SCHIP1: variants seen among roughly 807,000 people sequenced by gnomAD.
The protein encoded by SCHIP1 is schwannomin interacting protein 1, also known as schwannomin-interacting protein 1.
In SCHIP1, 8 loss-of-function variants were observed where a neutral mutation model predicts 29.7. That is an observed-to-expected ratio of 0.27 (90% confidence interval 0.16 to 0.49). The LOEUF (loss-of-function observed/expected upper bound fraction) is 0.49, where lower values mean the gene tolerates loss of function less well. Among genes scored for constraint, SCHIP1 ranks in the 20% least tolerant of loss-of-function variants. The pLI, the probability that SCHIP1 is intolerant of heterozygous loss-of-function variation, is 0.99. For missense variants in SCHIP1, 193 were observed against 294.6 expected (o/e 0.66, Z 2.52); for synonymous variants, 76 against 94.9 (o/e 0.80, Z 1.16).
At chr3:159,289,260 C>T in the SCHIP1 span, among the ~76,000 whole-genome samples, 1 of 152,160 alleles carries the variant, frequency 6.6e-6, no homozygotes, top group Non-Finnish European at 1.5e-5. Flanking sequence ...ATATTACCTA[C>T]TTATTTCAGT....
the SCHIP1 span, among the ~76,000 whole-genome samples, chr3:159,629,142 A>AACAC: frequency 2.7e-4 from 41 of 150,498 alleles, no homozygotes; most frequent in African/African-American, 7.1e-4. Context: ...GTTAAACAAA[A>AACAC]ACACACACAC....
chr3:159,476,757 T>C, the SCHIP1 span, among the ~76,000 whole-genome samples: 1 of 152,168 alleles, frequency 6.6e-6, no homozygotes, highest in Non-Finnish European at 1.5e-5. Flanking sequence ...CAATGTGGAA[T>C]AAAATCAACC....
At chr3:159,797,229 A>G in the SCHIP1 span, among the ~76,000 whole-genome samples, 1 of 152,222 alleles carries the variant, frequency 6.6e-6, no homozygotes, top group African/African-American at 2.4e-5. Flanking sequence ...AGTATCTAGC[A>G]CATCACTGTA....
At chr3:159,882,886 C>T (rs1251463038) in intron 2 of SCHIP1, among the ~76,000 whole-genome samples, 2 of 152,186 alleles carry the variant, frequency 1.3e-5, no homozygotes, top group East Asian at 3.9e-4. Flanking sequence ...TGCCCTCCTG[C>T]TCCTGGCCAG....
the SCHIP1 span, among the ~76,000 whole-genome samples, chr3:159,677,404 C>T: frequency 6.6e-6 from 1 of 152,114 alleles, no homozygotes; most frequent in Admixed American, 6.5e-5. Flanking sequence ...GACAACGCCC[C>T]ATGGTTCAGG....
the SCHIP1 span, among the ~76,000 whole-genome samples, chr3:159,281,168 C>T: frequency 6.6e-6 from 1 of 152,122 alleles, no homozygotes; most frequent in Non-Finnish European, 1.5e-5. Context: ...GCCAACTAAA[C>T]CAAAGACTGG....
At chr3:159,321,995 T>C in the SCHIP1 span, among the ~76,000 whole-genome samples, 38 of 152,214 alleles carry the variant, frequency 2.5e-4, no homozygotes, top group African/African-American at 7.9e-4. Flanking sequence ...TATCTTTTGC[T>C]TTAAATGCAT....
the SCHIP1 span, among the ~76,000 whole-genome samples, chr3:159,829,288 A>T: frequency 6.6e-6 from 1 of 152,168 alleles, no homozygotes; most frequent in Admixed American, 6.5e-5. Context: ...AATGTATTAC[A>T]TTTCAAACTG....
chr3:159,383,902 C>T, the SCHIP1 span, among the ~76,000 whole-genome samples: 1 of 151,234 alleles, frequency 6.6e-6, no homozygotes, highest in Admixed American at 6.6e-5. Flanking sequence ...TGATTTGGCT[C>T]TCTGTTTGTC....
the SCHIP1 span, among the ~76,000 whole-genome samples, chr3:159,703,280 A>G: frequency 6.6e-6 from 1 of 152,224 alleles, no homozygotes; most frequent in Non-Finnish European, 1.5e-5. Context: ...TCAACCATTT[A>G]CATTGAAGAA....
the SCHIP1 span, among the ~76,000 whole-genome samples, chr3:159,506,141 G>T: frequency 6.6e-6 from 1 of 152,174 alleles, no homozygotes; most frequent in Non-Finnish European, 1.5e-5. Context: ...GTTGTTCCCT[G>T]ACTTTTTAGT....
chr3:159,888,889 A>G (rs1717215612), exon 5 of SCHIP1: 4 of 1,614,052 alleles, frequency 2.5e-6, no homozygotes, highest in Non-Finnish European at 3.4e-6. Context: ...CCTGAGAGAC[A>G]TGACTATTGG....
At chr3:159,840,083 A>G in exon 1 of SCHIP1, 1 of 1,524,656 alleles carries the variant, frequency 6.6e-7, no homozygotes, top group Non-Finnish European at 8.8e-7. Context: ...CCCCTGCCTT[A>G]CCAGGGCGTT....
chr3:159,345,783 G>A, the SCHIP1 span, among the ~76,000 whole-genome samples: 1 of 152,198 alleles, frequency 6.6e-6, no homozygotes, highest in Non-Finnish European at 1.5e-5. Context: ...AAAGGGCTAA[G>A]AGGAGGGCCT....
chr3:159,336,397 T>C, the SCHIP1 span, among the ~76,000 whole-genome samples: 1 of 152,226 alleles, frequency 6.6e-6, no homozygotes, highest in Non-Finnish European at 1.5e-5. Flanking sequence ...TGTTTTGGTG[T>C]TTTAGTCATG....
At chr3:159,799,478 T>C in the SCHIP1 span, among the ~76,000 whole-genome samples, 1 of 152,256 alleles carries the variant, frequency 6.6e-6, no homozygotes, top group African/African-American at 2.4e-5. Context: ...CCTTGCTGCC[T>C]TCTTGAGGAG....
the SCHIP1 span, among the ~76,000 whole-genome samples, chr3:159,495,230 C>A: frequency 3.9e-5 from 6 of 152,198 alleles, no homozygotes; most frequent in African/African-American, 1.2e-4. Flanking sequence ...CACTCCTATT[C>A]AACCTAGTGC....
At chr3:159,532,651 CT>C in the SCHIP1 span, among the ~76,000 whole-genome samples, 1 of 152,050 alleles carries the variant, frequency 6.6e-6, no homozygotes, top group Admixed American at 6.6e-5. Flanking sequence ...AAAAATAATA[CT>C]CTAGGCTTTC....
chr3:159,827,971 C>G, the SCHIP1 span, among the ~76,000 whole-genome samples: 1 of 151,598 alleles, frequency 6.6e-6, no homozygotes, highest in African/African-American at 2.4e-5. Context: ...AAACTCATCA[C>G]CTTTACTCTC....
Sources: gnomAD v4.1 joint callset for allele counts (sites outside exome capture counted in the v4.1 genomes callset) on GRCh38, gnomAD v4.1.1 for gene constraint, MANE v1.5 for transcripts, NCBI Gene and HGNC (gene_info 2026-07-23, HGNC 2026-07-21) for gene names.